Variants in ADM observed in about 807,000 individuals in gnomAD.
ADM encodes pro-adrenomedullin.
Under a neutral mutation model 9.0 loss-of-function variants are expected in ADM, and 4 were observed. That is an observed-to-expected ratio of 0.44 (90% CI 0.22 to 1.02). The LOEUF (loss-of-function observed/expected upper bound fraction) is 1.02. ADM is among the 50% of genes least tolerant of loss of function. The probability of loss-of-function intolerance (pLI) is 0.24; values close to 1 mark genes in which losing one functional copy is unlikely to be tolerated. For missense variants in ADM, 253 were observed against 254.1 expected (o/e 1.00, Z 0.03); for synonymous variants, 107 against 107.2 (o/e 1.00, Z 0.01).
rs774600873 is a variant in ADM, at chr11:10,306,322, C to T, written c.249-10C>T. 6.4e-7 allele frequency: 1 copy of T among 1,573,200 alleles called. No individual in the cohort carries two copies. Among genetic ancestry groups the T allele is most frequent in the Non-Finnish European group, 8.7e-7 (1 of 1,154,318 alleles). Reference sequence around the variant, plus strand: ...CAAGTTGCCTTTCTTCCCCCTCCCCCCGCCCGCAGCAGTCCGGATGCCGCC... The same window carrying T: ...CAAGTTGCCTTTCTTCCCCCTCCCCTCGCCCGCAGCAGTCCGGATGCCGCC... On this transcript the variant is annotated splice_polypyrimidine_tract_variant and intron_variant, in intron 3 of 3. Coordinates refer to ENST00000278175, the MANE Select transcript of ADM (RefSeq NM_001124.3).
rs1305320179 is a variant in ADM at position 10,306,545 on chromosome 11, G to C, written c.462G>C (p.Leu154=). 7 of 1,601,750 alleles carry C rather than the reference G, an allele frequency of 4.4e-6. No homozygotes were observed. The Admixed American group carries it at 1.0e-4, about 23-fold the overall frequency. ...QGYGRRRRRS[L]PEAGPGRTLV... is the part of the protein sequence containing the mutation. ...ACGGCCGCCGGCGCCGGCGCTCCCT[G>C]CCCGAGGCCGGCCCGGGTCGGACTC... Residue 154 remains leucine (L), a synonymous_variant, in exon 4 of 4, where the codon CTG becomes CTC. Coordinates refer to ENST00000278175, the MANE Select transcript of ADM (RefSeq NM_001124.3).
In ADM at chr11:10,306,924, A is replaced by C; in HGVS notation, c.*283A>C. On this transcript the variant is annotated 3_prime_UTR_variant, in exon 4 of 4. Transcript: ENST00000278175. Reference sequence around the variant, plus strand: ...AAGGAGAGGAGAAACTGAGAAATGAATGCTGAGACCCCCGGAGCAGGGGTC... The same window carrying C: ...AAGGAGAGGAGAAACTGAGAAATGACTGCTGAGACCCCCGGAGCAGGGGTC... 144 of 295,680 alleles carry C rather than the reference A, an allele frequency of 4.9e-4. No homozygotes were observed. The highest frequency in any genetic ancestry group is 9.2e-4 in the Middle Eastern group (1 of 1,092). The allele number at this position is 295,680 out of a possible 1,614,324, so 18.3% of individuals were successfully genotyped here.
Position 10,306,820 on chromosome 11 carries a change from G to T in ADM, c.*179G>T. On this transcript the variant is annotated 3_prime_UTR_variant, in exon 4 of 4. Transcript: ENST00000278175. ...TTTGCAAGGGCCCCTCCTTCTGGGG[G>T]CTTCGCTTCCTTAGCCTTGCTCAGG... 1 of 575,782 alleles carries T rather than the reference G, an allele frequency of 1.7e-6. No individual in the cohort carries two copies. Among genetic ancestry groups the T allele is most frequent in the Non-Finnish European group, 2.9e-6 (1 of 346,580 alleles). 35.7% of individuals were successfully genotyped at this position (575,782 alleles called of 1,614,324 possible).
rs1591388148 is a variant in ADM at position 10,306,651 on chromosome 11, G to A, written c.*10G>A. ...TCCCCACTTTCTTTAGGATTTAGGC[G>A]CCCATGGTACAAGGAATAGTCGCGC... On this transcript the variant is annotated 3_prime_UTR_variant, in exon 4 of 4. Transcript: ENST00000278175. 2.0e-6 allele frequency: 3 copies of A among 1,520,642 alleles called. No individual in the cohort carries two copies. Among genetic ancestry groups the A allele is most frequent in the South Asian group, 2.6e-5 (2 of 75,730 alleles). 94.2% of individuals were successfully genotyped at this position (1,520,642 alleles called of 1,614,324 possible).
intron 3 of ADM, 21 bp from the exon 4 acceptor site, chr11:10,306,311 T>TG: frequency 6.5e-7 from 1 of 1,543,788 alleles, no homozygotes; most frequent in Non-Finnish European, 8.9e-7. Flanking sequence ...TTGCCTTTCT[T>TG]CCCCCTCCCC....
In ADM at chr11:10,306,343, C is replaced by T. The variant is rs774785781; in HGVS notation, c.260C>T (p.Ala87Val). 1.4e-5 allele frequency: 23 copies of T among 1,608,956 alleles called. No individual in the cohort carries two copies. The highest frequency in any genetic ancestry group is 5.0e-5 in the Admixed American group (3 of 59,762). ...SRSPEDSSPD[A>V]ARIRVKRYRQ... ...CCCCCCGCCCGCAGCAGTCCGGATG[C>T]CGCCCGCATCCGAGTCAAGCGCTAC... is the stretch of plus-strand genomic sequence containing the variant. The change falls in exon 4 of 4, where the codon GCC (alanine) becomes GTC (valine). Residue 87 changes from alanine (A) to valine (V), a missense_variant. Transcript: ENST00000278175.
chr11:10,306,707 G>A lies in ADM; in HGVS notation c.*66G>A. 2 of 1,464,028 alleles carry A rather than the reference G, an allele frequency of 1.4e-6. No individual in the cohort carries two copies. Among genetic ancestry groups the A allele is most frequent in the South Asian group, 1.4e-5 (1 of 69,342 alleles). The allele number at this position is 1,464,028 out of a possible 1,614,324, so 90.7% of individuals were successfully genotyped here. ...TCCCGCTGGTGCCTCCCGGGACGAAGGACTTCCCGAGCGGTGTGGGGACCG... is the reference window on the plus strand; with the variant it reads ...TCCCGCTGGTGCCTCCCGGGACGAAAGACTTCCCGAGCGGTGTGGGGACCG... On this transcript the variant is annotated 3_prime_UTR_variant, in exon 4 of 4. Coordinates refer to ENST00000278175, the MANE Select transcript of ADM (RefSeq NM_001124.3).
rs765070563 is a variant in ADM at position 10,306,555 on chromosome 11, G to A, written c.472G>A (p.Gly158Ser). The part of the protein sequence containing the change: ...RRRRRSLPEA[G>S]PGRTLVSSKP... ...GCGCCGGCGCTCCCTGCCCGAGGCC[G>A]GCCCGGGTCGGACTCTGGTGTCTTC... Residue 158 changes from glycine (G) to serine (S), a missense_variant, in exon 4 of 4, where the codon GGC becomes AGC. Transcript: ENST00000278175. 8 of 1,611,924 alleles carry A rather than the reference G, an allele frequency of 5.0e-6. No homozygotes were observed. The Admixed American group carries it at 1.3e-4, about 27-fold the overall frequency.
In ADM at chr11:10,306,031, G is replaced by T. The variant is rs755466368; in HGVS notation, c.181G>T (p.Ala61Ser). The T allele has an allele frequency of 6.8e-6, 11 of 1,614,060 alleles. No homozygotes were observed. Among genetic ancestry groups the T allele is most frequent in the Non-Finnish European group, 6.8e-6 (8 of 1,180,018 alleles). The change falls in exon 3 of 4, where the codon GCC (alanine) becomes TCC (serine). Residue 61 changes from alanine (A) to serine (S), a missense_variant. Coordinates refer to ENST00000278175, the MANE Select transcript of ADM (RefSeq NM_001124.3). Reference protein sequence around the residue: ...SYPTGLADVKAGPAQTLIRPQ... With the variant: ...SYPTGLADVKSGPAQTLIRPQ... ...CCCCACCGGGCTCGCTGACGTGAAG[G>T]CCGGGCCTGCCCAGACCCTTATTCG...
rs750807199 is a variant in ADM at position 10,306,650 on chromosome 11, C to T, written c.*9C>T. The T allele has an allele frequency of 6.6e-6, 10 of 1,520,108 alleles. No homozygotes were observed. The highest frequency in any genetic ancestry group is 8.8e-6 in the Non-Finnish European group (10 of 1,136,602). The allele number at this position is 1,520,108 out of a possible 1,614,324, so 94.2% of individuals were successfully genotyped here. Reference sequence around the variant, plus strand: ...CTCCCCACTTTCTTTAGGATTTAGGCGCCCATGGTACAAGGAATAGTCGCG... The same window carrying T: ...CTCCCCACTTTCTTTAGGATTTAGGTGCCCATGGTACAAGGAATAGTCGCG... On this transcript the variant is annotated 3_prime_UTR_variant, in exon 4 of 4. Transcript: ENST00000278175.
At chr11:10,306,178 C>T (rs1430829115) in intron 3 of ADM, 80 bp downstream of exon 3, 16 of 1,568,334 alleles carry the variant, frequency 1.0e-5, no homozygotes, top group African/African-American at 2.7e-5. Context: ...CTCCCCTGGC[C>T]CGGGGGATCG....
At chr11:10,305,471 G>A (rs1964642642) in intron 1 of ADM, 1 of 564,980 alleles carries the variant, frequency 1.8e-6, no homozygotes, top group African/African-American at 1.9e-5. Flanking sequence ...GCCTGGCGGG[G>A]TGCAGCGGCC....
rs1007529303 is a variant in ADM at position 10,306,779 on chromosome 11, G to A, written c.*138G>A. On this transcript the variant is annotated 3_prime_UTR_variant, in exon 4 of 4. Transcript: ENST00000278175. ...ACCCTGAGTCCGGGAGGCACCGTCC[G>A]GCGGCGAGCTCTGGCTTTGCAAGGG... 1.2e-6 allele frequency: 1 copy of A among 863,678 alleles called. No homozygotes were observed. The highest frequency in any genetic ancestry group is 2.5e-5 in the South Asian group (1 of 40,178). The allele number at this position is 863,678 out of a possible 1,614,324, so 53.5% of individuals were successfully genotyped here.
At chr11:10,305,320 AC>A (rs1393169274) in intron 1 of ADM, 91 bp downstream of exon 1, 1 of 213,720 alleles carries the variant, frequency 4.7e-6, no homozygotes, top group East Asian at 1.1e-4. Context: ...GAGGGGAACA[AC>A]CCACTTTGGA....
At chr11:10,306,206 C>T (rs913665219) in intron 3 of ADM, 108 bp downstream of exon 3, 2 of 1,539,778 alleles carry the variant, frequency 1.3e-6, no homozygotes, top group Non-Finnish European at 8.8e-7. Flanking sequence ...TGGACCGCAG[C>T]TCAGATGGCG....
At chr11:10,306,285 TTGA>T in intron 3 of ADM, 44 bp from the exon 4 acceptor site, 1 of 1,597,254 alleles carries the variant, frequency 6.3e-7, no homozygotes, top group Non-Finnish European at 8.5e-7. Context: ...AAAGCTCTGC[TTGA>T]TGGGGTCTCA....
In ADM at chr11:10,305,929, G is replaced by A; in HGVS notation, c.99-20G>A. ...GCGTCACCTGAACGCACGCGAATCG[G>A]GTCTGCTTGTGTTTTCCAGGTGGAA... is the stretch of plus-strand genomic sequence containing the variant. On this transcript the variant is annotated intron_variant, in intron 2 of 3. Transcript: ENST00000278175. 1.2e-6 allele frequency: 2 copies of A among 1,613,268 alleles called. No homozygotes were observed. Among genetic ancestry groups the A allele is most frequent in the Non-Finnish European group, 1.7e-6 (2 of 1,179,956 alleles).
chr11:10,306,105 A>G lies in ADM; in HGVS notation c.248+7A>G. 1 of 1,613,618 alleles carries G rather than the reference A, an allele frequency of 6.2e-7. No homozygotes were observed. Among genetic ancestry groups the G allele is most frequent in the Non-Finnish European group, 8.5e-7 (1 of 1,179,934 alleles). ...CTCGAAGCCCCGAAGACAGGTAACT[A>G]CGCCCTGTGCTGTCCAGGGACGGGA... On this transcript the variant is annotated splice_region_variant and intron_variant, in intron 3 of 3. Transcript: ENST00000278175.
rs1015136712 is a variant in ADM, at chr11:10,306,774, C to A, written c.*133C>A. On this transcript the variant is annotated 3_prime_UTR_variant, in exon 4 of 4. Transcript: ENST00000278175. The stretch of plus-strand genomic sequence containing the variant: ...CGGAGACCCTGAGTCCGGGAGGCAC[C>A]GTCCGGCGGCGAGCTCTGGCTTTGC... 3.4e-6 allele frequency: 3 copies of A among 883,402 alleles called. No individual in the cohort carries two copies. The highest frequency in any genetic ancestry group is 7.3e-5 in the Admixed American group (2 of 27,360). 54.7% of individuals were successfully genotyped at this position (883,402 alleles called of 1,614,324 possible).
Sources: allele counts gnomAD v4.1 joint callset, GRCh38; gene constraint gnomAD v4.1.1; transcripts MANE v1.5; gene names NCBI Gene and HGNC (gene_info 2026-07-23, HGNC 2026-07-21).